The following SRPX2 variants were observed in gnomAD, a reference collection of about 807,000 sequenced individuals.
SRPX2 encodes the protein sushi repeat containing protein X-linked 2, also known as sushi repeat-containing protein SRPX2.
SRPX2 carries 26 observed loss-of-function variants against 45.3 expected under a neutral mutation model. That is an observed-to-expected ratio of 0.57 (90% CI 0.42 to 0.80). SRPX2 has a LOEUF of 0.80. SRPX2 is among the 30% of genes least tolerant of loss of function. SRPX2 has a pLI of 0.00. For synonymous variants in SRPX2, 125 were observed against 143.7 expected (o/e 0.87, Z 0.93); for missense variants, 355 against 399.8 (o/e 0.89, Z 0.95).
At chrX:100,650,923 C>G in intron 3 of SRPX2, 58 bp downstream of exon 3, 1 of 1,003,497 alleles carries the variant, frequency 1.0e-6, no homozygotes, top group Admixed American at 2.2e-5. Flanking sequence ...AGACCTAGGC[C>G]CTTCCCTGAA....
chrX:100,670,948 G>T lies in SRPX2; in HGVS notation c.1359G>T (p.Glu453Asp), dbSNP rs1162193615. 2 of 1,211,938 alleles carry T rather than the reference G, an allele frequency of 1.7e-6. No homozygotes were observed. Among genetic ancestry groups the T allele is most frequent in the Admixed American group, 4.3e-5 (2 of 46,074 alleles). Reference sequence around the variant, plus strand: ...ATGACTACCTACTGAGCAATCAGGAGTTGACCCAGCGTCGGGAGCAAAGGG... The same window carrying T: ...ATGACTACCTACTGAGCAATCAGGATTTGACCCAGCGTCGGGAGCAAAGGG... ...FIDDYLLSNQELTQRREQRDI... is the reference protein window; with the variant it reads ...FIDDYLLSNQDLTQRREQRDI... The change falls in exon 11 of 11, where the codon GAG (glutamate) becomes GAT (aspartate). Residue 453 changes from glutamate to aspartate, a missense_variant. Coordinates refer to ENST00000373004, the MANE Select transcript of SRPX2 (RefSeq NM_014467.3).
chrX:100,645,937 T>C, intron 1 of SRPX2: 1 of 206,738 alleles, frequency 4.8e-6, no homozygotes. Context: ...CTCCTGGTTC[T>C]GTGTAACTTC....
intron 2 of SRPX2, among the ~76,000 whole-genome samples, chrX:100,650,436 A>G (rs1335830132): frequency 8.9e-6 from 1 of 111,990 alleles, no homozygotes; most frequent in Non-Finnish European, 1.9e-5. Context: ...GTGTCTTACC[A>G]AGACTCATGT....
intron 3 of SRPX2, among the ~76,000 whole-genome samples, chrX:100,656,905 T>C (rs1189421300): frequency 1.8e-5 from 2 of 108,485 alleles, no homozygotes; most frequent in African/African-American, 6.7e-5. Flanking sequence ...TCCTTCCTTC[T>C]CCTTCCTTCT....
rs1316607452 is a variant in SRPX2 at position 100,669,245 on chromosome X, C to G, written c.1096-3C>G. 1 of 1,211,238 alleles carries G rather than the reference C, an allele frequency of 8.3e-7. No individual in the cohort carries two copies. Among genetic ancestry groups the G allele is most frequent in the South Asian group, 1.8e-5 (1 of 56,934 alleles). ...TGCATAAAATGTTCTGTCTCCCTCC[C>G]AGCAATCCACCTGTGGACTGGATTT... On this transcript the variant is annotated splice_polypyrimidine_tract_variant and splice_region_variant and intron_variant, in intron 9 of 10. Transcript: ENST00000373004.
chrX:100,644,791 G>A (rs749830665), intron 1 of SRPX2, among the ~76,000 whole-genome samples: 3 of 111,263 alleles, frequency 2.7e-5, no homozygotes, highest in East Asian at 5.7e-4. Context: ...GGGCAGGTAC[G>A]AGGTCACAGG....
intron 3 of SRPX2, among the ~76,000 whole-genome samples, chrX:100,655,022 C>T (rs771023436): frequency 1.8e-5 from 2 of 111,517 alleles, no homozygotes; most frequent in South Asian, 7.7e-4. Flanking sequence ...CTCGTCAGCA[C>T]TTTATTTTCT....
At chrX:100,657,924 A>T (rs1182307087) in intron 3 of SRPX2, among the ~76,000 whole-genome samples, 1 of 112,691 alleles carries the variant, frequency 8.9e-6, no homozygotes, top group East Asian at 2.8e-4. Context: ...CACTGCGCCC[A>T]GCCCCTTTGC....
intron 2 of SRPX2, among the ~76,000 whole-genome samples, chrX:100,647,307 C>G (rs1421517768): frequency 8.9e-6 from 1 of 112,714 alleles, no homozygotes; most frequent in East Asian, 2.8e-4. Flanking sequence ...CCCATCACAG[C>G]CACAGTCCCT....
intron 7 of SRPX2, among the ~76,000 whole-genome samples, chrX:100,666,287 C>T (rs2083204327): frequency 8.9e-6 from 1 of 111,902 alleles, no homozygotes; most frequent in Non-Finnish European, 1.9e-5. Context: ...GTAATTTTCC[C>T]ATGTTATTTA....
In SRPX2 at chrX:100,664,754, GC is replaced by G. The variant is rs776546961; in HGVS notation, c.356-18del. On this transcript the variant is annotated intron_variant, in intron 4 of 10. Coordinates refer to ENST00000373004, the MANE Select transcript of SRPX2 (RefSeq NM_014467.3). The stretch of plus-strand genomic sequence containing the variant: ...GATAGTCGCACAAGCCACTGAGCTT[GC>G]CACTTGGTTTTCTCTTAGAGATGAG... The G allele has an allele frequency of 2.8e-5, 33 of 1,194,869 alleles. No individual in the cohort carries two copies. In the East Asian group the frequency reaches 9.7e-4, roughly 35 times the overall value.
At chrX:100,650,974 G>C in intron 3 of SRPX2, 109 bp downstream of exon 3, 1 of 597,821 alleles carries the variant, frequency 1.7e-6, no homozygotes, top group African/African-American at 2.2e-5. Context: ...CAAAACTGTA[G>C]CACAGGGAAT....
intron 3 of SRPX2, among the ~76,000 whole-genome samples, chrX:100,652,083 C>T (rs189912143): frequency 8.9e-6 from 1 of 112,051 alleles, no homozygotes; most frequent in East Asian, 2.8e-4. Flanking sequence ...AGTAAATTGT[C>T]ATTTTAGAAC....
At position 100,655,157 on chromosome X, in the gene SRPX2, C is replaced by G. The variant is rs36224185; in HGVS notation, c.163+4292C>G. 7.4e-3 allele frequency among the ~76,000 whole-genome samples: 832 copies of G among 112,230 alleles called. 7 individuals are homozygous for G. The highest frequency in any genetic ancestry group is 0.025 in the African/African-American group (774 of 30,883). On this transcript the variant is annotated intron_variant, in intron 3 of 10. Transcript: ENST00000373004. ...ACTCTGGACAAACACCTATTATGTGCCAGTCACTGTGCTATGTATTTTATA... is the reference window on the plus strand; with the variant it reads ...ACTCTGGACAAACACCTATTATGTGGCAGTCACTGTGCTATGTATTTTATA...
chrX:100,662,137 T>C (rs369472859), intron 3 of SRPX2, 39 bp from the exon 4 acceptor site: 129 of 1,181,658 alleles, frequency 1.1e-4, no homozygotes, highest in Non-Finnish European at 1.3e-4. Flanking sequence ...ACTGTCTTGA[T>C]TACTATACTT....
At chrX:100,657,220 G>A (rs999162261) in intron 3 of SRPX2, among the ~76,000 whole-genome samples, 1 of 108,302 alleles carries the variant, frequency 9.2e-6, no homozygotes, top group Admixed American at 1.0e-4. Context: ...GAGCCACCAC[G>A]CCTGGCTAGT....
chrX:100,655,367 A>G (rs2083165315), intron 3 of SRPX2, among the ~76,000 whole-genome samples: 1 of 111,169 alleles, frequency 9.0e-6, no homozygotes, highest in Admixed American at 9.6e-5. Context: ...GGCACAAAGA[A>G]ACTATTAAAA....
chrX:100,647,015 T>C (rs1158595713), intron 2 of SRPX2, among the ~76,000 whole-genome samples: 2 of 111,995 alleles, frequency 1.8e-5, no homozygotes, highest in African/African-American at 6.5e-5. Context: ...TCAGAAGGGA[T>C]GGAGATTTCT....
At chrX:100,649,430 G>A (rs1004408705) in intron 2 of SRPX2, 1 of 110,302 alleles carries the variant, frequency 9.1e-6, no homozygotes, top group East Asian at 2.9e-4. Flanking sequence ...GGGGAGATGA[G>A]GTCTGAGAAG....
Sources: gnomAD v4.1 joint callset for allele counts (sites outside exome capture counted in the v4.1 genomes callset) on GRCh38, gnomAD v4.1.1 for gene constraint, MANE v1.5 for transcripts, NCBI Gene and HGNC (gene_info 2026-07-23, HGNC 2026-07-21) for gene names.